Variants in MDGA1 observed in about 807,000 individuals in gnomAD.
MDGA1 encodes MAM domain-containing glycosylphosphatidylinositol anchor protein 1.
A neutral mutation model predicts 101.5 loss-of-function variants in MDGA1; 54 were observed. The observed-to-expected ratio is 0.53, with a 90% CI of 0.43 to 0.67. The LOEUF (loss-of-function observed/expected upper bound fraction) is 0.67. Ranked by LOEUF, MDGA1 falls within the 30% of genes least tolerant of loss-of-function variation. The pLI, the probability that MDGA1 is intolerant of heterozygous loss-of-function variation, is 0.00. For synonymous variants in MDGA1, 533 were observed against 558.3 expected (o/e 0.95, Z 0.64); for missense variants, 1,083 against 1,323.8 (o/e 0.82, Z 2.82).
chr6:37,647,832 G>C (rs549095014), intron 9 of MDGA1, among the ~76,000 whole-genome samples: 36 of 152,198 alleles, frequency 2.4e-4, no homozygotes, highest in Admixed American at 1.6e-3. Flanking sequence ...CTGGGTGGAG[G>C]GGAGTGGGGA....
intron 3 of MDGA1, 119 bp from the exon 4 acceptor site, chr6:37,656,015 A>C (rs1761479043): frequency 2.5e-6 from 2 of 797,628 alleles, no homozygotes; most frequent in Non-Finnish European, 3.9e-6. Context: ...CCAGATTGCC[A>C]GATGCCCTCT....
In MDGA1 at chr6:37,658,290, C is replaced by T. The variant is rs376834520; in HGVS notation, c.337G>A (p.Gly113Ser). Reference sequence around the variant, plus strand: ...GACTTGATGGCCGGCACCCCCACGCCGTTCTCAGCCTTGCAGTAGTAGCGG... The same window carrying T: ...GACTTGATGGCCGGCACCCCCACGCTGTTCTCAGCCTTGCAGTAGTAGCGG... ...GGRYYCKAEN[G>S]VGVPAIKSIR... The change falls in exon 3 of 17, where the codon GGC becomes AGC. Residue 113 changes from glycine to serine, a missense_variant. Gly to Ser is a moderately conservative substitution (Grantham distance 56). Around this residue, in one of 3 missense-constraint regions of MDGA1, gnomAD observed 310 missense variants for 355.9 expected, o/e 0.87. Coordinates refer to ENST00000434837, the MANE Select transcript of MDGA1 (RefSeq NM_153487.4). 14 of 1,610,458 alleles carry T rather than the reference C, an allele frequency of 8.7e-6. No individual in the cohort carries two copies. Among genetic ancestry groups the T allele is most frequent in the African/African-American group, 2.7e-5 (2 of 74,900 alleles).
rs748060581 is a variant in MDGA1 at position 37,637,411 on chromosome 6, A to G, written c.2825T>C (p.Leu942Pro). ...SGAPCQSSPQ[L>P]WGPMAIFLLA... ...GAGGAAGATGGCCATGGGCCCCCAC[A>G]GCTGTGGGCTGGACTGGCAGGGGGC... is the stretch of plus-strand genomic sequence containing the variant. Residue 942 changes from leucine (L) to proline (P), a missense_variant, in exon 17 of 17, where the codon CTG becomes CCG. This residue lies in a region of MDGA1 where 657 missense variants were observed against 771.4 expected (regional missense o/e 0.85). Coordinates refer to ENST00000434837, the MANE Select transcript of MDGA1 (RefSeq NM_153487.4). 1 of 1,613,726 alleles carries G rather than the reference A, an allele frequency of 6.2e-7. No individual in the cohort carries two copies. Among genetic ancestry groups the G allele is most frequent in the Non-Finnish European group, 8.5e-7 (1 of 1,179,760 alleles).
chr6:37,649,661 CGTGTCTCGGGTTCCCTGTTT>C (rs1228735655), intron 8 of MDGA1, among the ~76,000 whole-genome samples: 1 of 152,126 alleles, frequency 6.6e-6, no homozygotes, highest in Non-Finnish European at 1.5e-5. Flanking sequence ...TCAACCTCTC[CGTGTCTCGGGTTCCCTGTTT>C]GTAAAAATGG....
chr6:37,644,845 C>G (rs1761148864), intron 12 of MDGA1, among the ~76,000 whole-genome samples, 196 bp from the exon 13 acceptor site: 1 of 152,210 alleles, frequency 6.6e-6, no homozygotes, highest in African/African-American at 2.4e-5. Flanking sequence ...TTTTTGTGCC[C>G]TAGGCCCTTC....
intron 1 of MDGA1, among the ~76,000 whole-genome samples, chr6:37,669,302 C>T (rs1001526010): frequency 6.6e-6 from 1 of 152,108 alleles, no homozygotes; most frequent in South Asian, 2.1e-4. Flanking sequence ...TAAATTACAC[C>T]TCAGTTTTTA....
Position 37,635,822 on chromosome 6 carries a change from C to T in MDGA1, c.*1546G>A. ...TCGCAGGCAGCTTGAGACTACAGAA[C>T]AGGGCTGGACAGAGTCTATTCAGCC... On this transcript the variant is annotated 3_prime_UTR_variant, in exon 17 of 17. Transcript: ENST00000434837. 2.5e-6 allele frequency: 1 copy of T among 398,116 alleles called. No individual in the cohort carries two copies. Among genetic ancestry groups the T allele is most frequent in the Non-Finnish European group, 4.4e-6 (1 of 226,074 alleles). 24.7% of individuals were successfully genotyped at this position (398,116 alleles called of 1,614,324 possible). A position where few individuals can be genotyped will look rare whatever the true frequency, so the allele number is the denominator to read the frequency against.
chr6:37,638,504 C>T lies in MDGA1; in HGVS notation c.2667+33G>A. On this transcript the variant is annotated intron_variant, in intron 15 of 16. Coordinates refer to ENST00000434837, the MANE Select transcript of MDGA1 (RefSeq NM_153487.4). The surrounding 1 kb of genome is among the most constrained non-coding windows in gnomAD (Gnocchi z 4.8). ...TTCCTGGCCACAGCAACCACCGAAG[C>T]CGGGGAGGGTCCTCTGGGCCCTACG... 6.2e-7 allele frequency: 1 copy of T among 1,611,864 alleles called. No homozygotes were observed. The highest frequency in any genetic ancestry group is 1.7e-5 in the Admixed American group (1 of 59,936).
Position 37,649,116 on chromosome 6 carries a change from A to T in MDGA1, c.1760T>A (p.Val587Asp). 1 of 1,518,954 alleles carries T rather than the reference A, an allele frequency of 6.6e-7. No individual in the cohort carries two copies. The highest frequency in any genetic ancestry group is 8.8e-7 in the Non-Finnish European group (1 of 1,136,812). 94.1% of individuals were successfully genotyped at this position (1,518,954 alleles called of 1,614,324 possible). The change falls in exon 9 of 17, where the codon GTT (valine) becomes GAT (aspartate). Residue 587 changes from valine (V) to aspartate (D), a missense_variant. Val to Asp is a radical substitution (Grantham distance 152, BLOSUM62 -3). Around this residue, in one of 3 missense-constraint regions of MDGA1, gnomAD observed 657 missense variants for 771.4 expected, o/e 0.85. Transcript: ENST00000434837. The part of the protein sequence containing the change: ...FKGQLLPPPP[V>D]VPAAAEAPDH... ...CGGCGCCTCGGCGGCGGCGGGAACA[A>T]CAGGCGGCGGCGGCAGCAGCTGCCC...
rs762274613 is a variant in MDGA1, at chr6:37,652,306, G to A, written c.1017C>T (p.Asp339=). Residue 339 remains aspartate, a synonymous_variant, in exon 7 of 17, where the codon GAC becomes GAT. Transcript: ENST00000434837. The surrounding 1 kb of genome is among the most constrained non-coding windows in gnomAD (Gnocchi z 4.3). ...GGATGTTCTCACTCTCTTTGATCAC[G>A]TCAGGAGTGATCTGGAATGTAGCGT... ...MKNATFQITP[D]VIKESENIQL... is the part of the protein sequence containing the mutation. 21 of 1,613,396 alleles carry A rather than the reference G, an allele frequency of 1.3e-5. No homozygotes were observed. Among genetic ancestry groups the A allele is most frequent in the South Asian group, 6.6e-5 (6 of 91,058 alleles).
chr6:37,643,719 C>A (rs1323170580), intron 14 of MDGA1, 90 bp downstream of exon 14: 55 of 1,552,624 alleles, frequency 3.5e-5, no homozygotes, highest in Non-Finnish European at 4.8e-5. Context: ...TGAGGCCTCA[C>A]ATGGGCCAGC....
intron 1 of MDGA1, among the ~76,000 whole-genome samples, chr6:37,689,526 G>T (rs868011330): frequency 6.6e-6 from 1 of 152,202 alleles, no homozygotes; most frequent in Non-Finnish European, 1.5e-5. Context: ...ACAAGCCCAC[G>T]CAGTGAGTAC....
Position 37,638,280 on chromosome 6 carries a change from G to A in MDGA1, c.2701C>T (p.Leu901=), listed in dbSNP as rs372981453. The A allele has an allele frequency of 2.5e-6, 4 of 1,612,826 alleles. No individual in the cohort carries two copies. In the African/African-American group the frequency reaches 5.3e-5, roughly 22 times the overall value. ...ACGTCATCTATGGCAATATCCCCCA[G>A]GTAGCCCGGGCCTCGAACCCCCTCA... The part of the protein sequence containing the change: ...IFEGVRGPGY[L]GDIAIDDVTL... Residue 901 remains leucine (L), a synonymous_variant, in exon 16 of 17, where the codon CTG becomes TTG. Coordinates refer to ENST00000434837, the MANE Select transcript of MDGA1 (RefSeq NM_153487.4). The surrounding 1 kb of genome is among the most constrained non-coding windows in gnomAD (Gnocchi z 4.8).
At position 37,631,762 on chromosome 6, in the gene MDGA1, T is replaced by C. The variant is rs1763827373; in HGVS notation, c.*5606A>G. The stretch of plus-strand genomic sequence containing the variant: ...TCTGAAATTCTAGAATTCTGAGAGG[T>C]CTGGGGTAAAGGGAAAGGTTGGCAT... On this transcript the variant is annotated 3_prime_UTR_variant, in exon 17 of 17. Transcript: ENST00000434837. 1 of 151,980 alleles carries C rather than the reference T, an allele frequency of 6.6e-6. No homozygotes were observed. The highest frequency in any genetic ancestry group is 6.6e-5 in the Admixed American group (1 of 15,260). The allele number at this position is 151,980 out of a possible 1,614,324, so 9.4% of individuals were successfully genotyped here. A position where few individuals can be genotyped will look rare whatever the true frequency, so the allele number is the denominator to read the frequency against.
rs530339062 is a variant in MDGA1, at chr6:37,631,039, G to A, written c.*6329C>T. 1.3e-4 allele frequency: 20 copies of A among 152,300 alleles called. No individual in the cohort carries two copies. The highest frequency in any genetic ancestry group is 4.8e-4 in the African/African-American group (20 of 41,552). 9.4% of individuals were successfully genotyped at this position (152,300 alleles called of 1,614,324 possible). On this transcript the variant is annotated 3_prime_UTR_variant, in exon 17 of 17. Transcript: ENST00000434837. ...GAGCAACCCAGATTCAAGAGGAAGG[G>A]AATTAGACTCTGCCTCTCTACAGGA...
At chr6:37,693,682 CT>C (rs1457330446) in intron 1 of MDGA1, among the ~76,000 whole-genome samples, 2 of 152,248 alleles carry the variant, frequency 1.3e-5, no homozygotes, top group Non-Finnish European at 2.9e-5. Context: ...TGGCTACTGC[CT>C]TTGCCCCAGA....
intron 1 of MDGA1, among the ~76,000 whole-genome samples, chr6:37,691,507 A>G (rs566172356): frequency 6.6e-6 from 1 of 152,366 alleles, no homozygotes; most frequent in African/African-American, 2.4e-5. Context: ...GGATCCCTGA[A>G]AAAACCATGA....
Position 37,638,771 on chromosome 6 carries a change from C to A in MDGA1, c.2537-104G>T. 6.8e-7 allele frequency: 1 copy of A among 1,465,218 alleles called. No individual in the cohort carries two copies. The highest frequency in any genetic ancestry group is 9.2e-7 in the Non-Finnish European group (1 of 1,088,562). 90.8% of individuals were successfully genotyped at this position (1,465,218 alleles called of 1,614,324 possible). A position where few individuals can be genotyped will look rare whatever the true frequency, so the allele number is the denominator to read the frequency against. The stretch of plus-strand genomic sequence containing the variant: ...CTCCCACCATAGCCTGCAGCCCTGT[C>A]CCTGTTGACAGGACCTCCTCCCCAT... On this transcript the variant is annotated intron_variant, in intron 14 of 16. Transcript: ENST00000434837. This position sits in a 1 kb window ranked among gnomAD's most constrained non-coding sequence, Gnocchi z 4.8.
rs767345463 is a variant in MDGA1 at position 37,638,618 on chromosome 6, C to T, written c.2586G>A (p.Thr862=). Residue 862 remains threonine, a synonymous_variant, in exon 15 of 17, where the codon ACG becomes ACA. Coordinates refer to ENST00000434837, the MANE Select transcript of MDGA1 (RefSeq NM_153487.4). The surrounding 1 kb of genome is among the most constrained non-coding windows in gnomAD (Gnocchi z 4.8). ...TATTGCCACTGAGAGACCAGGCGTG[C>T]GTGTCCAGAGCCCCTTTGTTCCGGG... ...VRSRNKGALD[T]HAWSLSGNKG... The T allele has an allele frequency of 7.4e-6, 12 of 1,613,858 alleles. No homozygotes were observed. The South Asian group carries it at 7.7e-5, about 10-fold the overall frequency.
Sources: gnomAD v4.1 joint callset for allele counts (sites outside exome capture counted in the v4.1 genomes callset) on GRCh38, gnomAD v4.1.1 for gene constraint, gnomAD v4.1.1 regional missense constraint, Gnocchi (gnomAD v3.1) non-coding constraint, MANE v1.5 for transcripts, NCBI Gene and HGNC (gene_info 2026-07-23, HGNC 2026-07-21) for gene names.